ZNF212: variants seen among roughly 807,000 people sequenced by gnomAD.
ZNF212 encodes the protein Zinc finger protein C2H2-150.
ZNF212 carries 32 observed loss-of-function variants against 47.3 expected under a neutral mutation model. The ratio of observed to expected loss-of-function variants is 0.68; its 90% CI spans 0.51 to 0.91. The LOEUF (loss-of-function observed/expected upper bound fraction) is 0.91, where lower values mean the gene tolerates loss of function less well. ZNF212 is among the 40% of genes least tolerant of loss of function. ZNF212 has a pLI of 0.00. For synonymous variants in ZNF212, 242 were observed against 253.8 expected, an observed-to-expected ratio of 0.95 and a Z score of 0.44; for missense variants, 555 against 622.8, an observed-to-expected ratio of 0.89 and a Z score of 1.16.
chr7:149,242,021 CTTTT>C (rs34883587), intron 1 of ZNF212, among the ~76,000 whole-genome samples: 4,484 of 121,286 alleles, frequency 0.037, 142 homozygotes, highest in East Asian at 0.2. Context: ...CTTTTCTTTT[CTTTT>C]TTTTTTTTTT....
At chr7:149,252,202 G>T (rs367715389) in intron 3 of ZNF212, among the ~76,000 whole-genome samples, 31 of 152,190 alleles carry the variant, frequency 2.0e-4, no homozygotes, top group Admixed American at 2.6e-4. Context: ...ACATGGAGGA[G>T]TGTCAAGTGC....
chr7:149,242,383 T>C (rs1585590640), intron 1 of ZNF212, among the ~76,000 whole-genome samples: 1 of 150,580 alleles, frequency 6.6e-6, no homozygotes, highest in Non-Finnish European at 1.5e-5. Flanking sequence ...TGAAATGAAG[T>C]ACAGCAAAAT....
intron 4 of ZNF212, 114 bp downstream of exon 4, chr7:149,252,909 T>C: frequency 1.0e-6 from 1 of 998,276 alleles, no homozygotes; most frequent in South Asian, 1.5e-5. Flanking sequence ...TGGCATCTGC[T>C]TGTTCTGGAC....
At chr7:149,250,863 T>A in intron 3 of ZNF212, 56 bp downstream of exon 3, 1 of 1,605,066 alleles carries the variant, frequency 6.2e-7, no homozygotes, top group Non-Finnish European at 8.5e-7. Context: ...AATTCCTGGC[T>A]GGCAGCCTGT....
intron 1 of ZNF212, 70 bp from the exon 2 acceptor site, chr7:149,250,089 T>C (rs1796730638): frequency 7.1e-7 from 1 of 1,405,180 alleles, no homozygotes; most frequent in African/African-American, 1.4e-5. Flanking sequence ...TGAGCACTGA[T>C]ACACTTGAAC....
At position 149,250,228 on chromosome 7, in the gene ZNF212, T is replaced by C. The variant is rs2129524330; in HGVS notation, c.94T>C (p.Ser32Pro). The C allele has an allele frequency of 6.4e-7, 1 of 1,553,602 alleles. No homozygotes were observed. Residue 32 changes from serine to proline, a missense_variant, in exon 2 of 5, where the codon TCC (serine) becomes CCC (proline). Coordinates refer to ENST00000335870, the MANE Select transcript of ZNF212 (RefSeq NM_012256.4). ...TLPSQATEKS[S>P]YFQTTEISLW... ...TCCTTCACAAGCAACAGAGAAAAGC[T>C]CCTATTTTCAGACCACCGAGATTTC...
intron 1 of ZNF212, among the ~76,000 whole-genome samples, chr7:149,246,670 G>A (rs1379702157): frequency 6.6e-6 from 1 of 152,048 alleles, no homozygotes; most frequent in Admixed American, 6.6e-5. Flanking sequence ...GGTTATAGGT[G>A]TGAGCCACTG....
chr7:149,246,853 C>A (rs1213487126), intron 1 of ZNF212, among the ~76,000 whole-genome samples: 1 of 140,380 alleles, frequency 7.1e-6, no homozygotes, highest in East Asian at 2.1e-4. Flanking sequence ...GCTCTTGTTG[C>A]CCAGGCTGGA....
chr7:149,254,767 G>A lies in ZNF212; in HGVS notation c.*352G>A, dbSNP rs1056794517. On this transcript the variant is annotated 3_prime_UTR_variant, in exon 5 of 5. Transcript: ENST00000335870. This position sits in a 1 kb window ranked among gnomAD's most constrained non-coding sequence, Gnocchi z 4.5. ...TCATGTCTTCCCACGGGGTTGAGTC[G>A]GGCCATAGGGGTGAGCAGCTGCCTG... The A allele has an allele frequency of 5.6e-5, 15 of 266,600 alleles. No individual in the cohort carries two copies. Among genetic ancestry groups the A allele is most frequent in the African/African-American group, 2.0e-4 (9 of 45,146 alleles). The allele number at this position is 266,600 out of a possible 1,614,324, so 16.5% of individuals were successfully genotyped here.
In ZNF212 at chr7:149,239,783, C is replaced by A. The variant is rs748788046; in HGVS notation, c.5C>A (p.Ala2Glu). 7.8e-7 allele frequency: 1 copy of A among 1,275,248 alleles called. No homozygotes were observed. Among genetic ancestry groups the A allele is most frequent in the Non-Finnish European group, 1.0e-6 (1 of 1,003,046 alleles). The allele number at this position is 1,275,248 out of a possible 1,614,324, so 79.0% of individuals were successfully genotyped here. Reference protein sequence around the residue: MAESAPARHRRK... With the variant: MEESAPARHRRK... ...TGTTGAGGGGCGACTGGAGCCATGG[C>A]GGAGTCGGCGCCTGCTCGGGTAAAG... Residue 2 changes from alanine to glutamate, a missense_variant, in exon 1 of 5, where the codon GCG becomes GAG. Transcript: ENST00000335870.
chr7:149,252,857 T>TC, intron 4 of ZNF212, 62 bp downstream of exon 4: 6 of 1,550,442 alleles, frequency 3.9e-6, no homozygotes, highest in Non-Finnish European at 5.3e-6. Context: ...GAGTGAGCTT[T>TC]CCCACGGCTG....
rs1334117697 is a variant in ZNF212 at position 149,253,576 on chromosome 7, A to G, written c.649A>G (p.Lys217Glu). 1 of 1,601,950 alleles carries G rather than the reference A, an allele frequency of 6.2e-7. No individual in the cohort carries two copies. The highest frequency in any genetic ancestry group is 8.5e-7 in the Non-Finnish European group (1 of 1,170,136). ...CTTTGCAGCAGGTGGGGTCATGATC[A>G]AACAGGAGCTACAGTATACACAGGA... ...GAHPAGGVMI[K>E]QELQYTQEGP... The change falls in exon 5 of 5, where the codon AAA becomes GAA. Residue 217 changes from lysine to glutamate, a missense_variant. By Grantham distance (56) the Lys-to-Glu change is moderately conservative (BLOSUM62 1). Transcript: ENST00000335870.
intron 1 of ZNF212, among the ~76,000 whole-genome samples, chr7:149,243,561 T>G (rs1045640903): frequency 6.6e-6 from 1 of 151,270 alleles, no homozygotes; most frequent in African/African-American, 2.4e-5. Flanking sequence ...GAAAATAAAG[T>G]TGACAAATAT....
chr7:149,251,230 G>A, intron 3 of ZNF212: 2 of 221,692 alleles, frequency 9.0e-6, no homozygotes, highest in South Asian at 1.1e-4. Flanking sequence ...TATTGCCCAG[G>A]CTGGAGTGCA....
intron 1 of ZNF212, among the ~76,000 whole-genome samples, chr7:149,241,261 G>A (rs1015057111): frequency 6.6e-6 from 1 of 152,094 alleles, no homozygotes; most frequent in East Asian, 1.9e-4. Flanking sequence ...GTGAAACCCG[G>A]TCTCTACTAA....
chr7:149,241,396 C>T (rs1796585888), intron 1 of ZNF212, among the ~76,000 whole-genome samples: 1 of 142,122 alleles, frequency 7.0e-6, no homozygotes. Flanking sequence ...CGTGCTATTG[C>T]ACTCCAGCCT....
chr7:149,239,724 A>G lies in ZNF212; in HGVS notation c.-55A>G. On this transcript the variant is annotated 5_prime_UTR_variant, in exon 1 of 5. Transcript: ENST00000335870. ...GGCTCTGGGGCGCCGAGCGGACAGGAACGCAGCACGGGGGCTCCGAGGCGG... is the reference window on the plus strand; with the variant it reads ...GGCTCTGGGGCGCCGAGCGGACAGGGACGCAGCACGGGGGCTCCGAGGCGG... 7.8e-7 allele frequency: 1 copy of G among 1,283,026 alleles called. No homozygotes were observed. Among genetic ancestry groups the G allele is most frequent in the Non-Finnish European group, 9.9e-7 (1 of 1,009,944 alleles). 79.5% of individuals were successfully genotyped at this position (1,283,026 alleles called of 1,614,324 possible). A position where few individuals can be genotyped will look rare whatever the true frequency, so the allele number is the denominator to read the frequency against.
At position 149,254,991 on chromosome 7, in the gene ZNF212, C is replaced by G. The variant is rs1796815425; in HGVS notation, c.*576C>G. The G allele has an allele frequency of 6.6e-6, 1 of 152,236 alleles. No individual in the cohort carries two copies. The highest frequency in any genetic ancestry group is 2.1e-4 in the South Asian group (1 of 4,828). 9.4% of individuals were successfully genotyped at this position (152,236 alleles called of 1,614,324 possible). The stretch of plus-strand genomic sequence containing the variant: ...CATTTTAAGAGTTGTAGAAGTTGTT[C>G]CTAACTTGGGGACTGGACCTACCCT... On this transcript the variant is annotated 3_prime_UTR_variant, in exon 5 of 5. Transcript: ENST00000335870. The surrounding 1 kb of genome is among the most constrained non-coding windows in gnomAD (Gnocchi z 4.5).
Position 149,242,536 on chromosome 7 carries a change from C to T in ZNF212, c.24+2734C>T, listed in dbSNP as rs77865254. Among the ~76,000 whole-genome samples the T allele has an allele frequency of 3.7e-3, 562 of 152,184 alleles. 6 individuals carry two copies. Among genetic ancestry groups the T allele is most frequent in the African/African-American group, 0.013 (533 of 41,526 alleles). On this transcript the variant is annotated intron_variant, in intron 1 of 4. Coordinates refer to ENST00000335870, the MANE Select transcript of ZNF212 (RefSeq NM_012256.4). ...TTCAGAAACAAAGATGTAAAGAAGA[C>T]ATTTTTAGACAAATTAAAAATGACA...
Sources: gnomAD v4.1 joint callset for allele counts (sites outside exome capture counted in the v4.1 genomes callset) on GRCh38, gnomAD v4.1.1 for gene constraint, Gnocchi (gnomAD v3.1) non-coding constraint, MANE v1.5 for transcripts, NCBI Gene and HGNC (gene_info 2026-07-23, HGNC 2026-07-21) for gene names.